Variants in C12orf54 observed in about 807,000 individuals in gnomAD.
C12orf54 encodes chromosome 12 open reading frame 54, also known as uncharacterized protein C12orf54.
A neutral mutation model predicts 26.4 loss-of-function variants in C12orf54; 24 were observed. That is an observed-to-expected ratio of 0.91 (90% confidence interval 0.66 to 1.28). C12orf54 has a LOEUF of 1.28. C12orf54 is among the 50% of genes most tolerant of loss of function. The probability of loss-of-function intolerance (pLI) is 0.00; values close to 1 mark genes in which losing one functional copy is unlikely to be tolerated. For synonymous variants in C12orf54, 54 were observed against 47.0 expected (o/e 1.15, Z -0.61); for missense variants, 154 against 150.9 (o/e 1.02, Z -0.11).
chr12:48,483,908 T>C (rs556284212), intron 2 of C12orf54, among the ~76,000 whole-genome samples: 2 of 152,284 alleles, frequency 1.3e-5, no homozygotes, highest in East Asian at 1.9e-4. Flanking sequence ...TTGTAGAAAT[T>C]TGGGGCTGGG....
At chr12:48,433,144 C>T in the C12orf54 span, among the ~76,000 whole-genome samples, 2 of 152,016 alleles carry the variant, frequency 1.3e-5, no homozygotes, top group African/African-American at 4.8e-5. Context: ...TATGTGTGAC[C>T]TTTATCAAAA....
At chr12:48,491,596 G>A (rs1270194672) in intron 6 of C12orf54, among the ~76,000 whole-genome samples, 1 of 152,098 alleles carries the variant, frequency 6.6e-6, no homozygotes, top group Non-Finnish European at 1.5e-5. Context: ...ACAGAAAAGG[G>A]GAACAGCTTC....
intron 7 of C12orf54, among the ~76,000 whole-genome samples, chr12:48,493,790 C>G (rs1235357209): frequency 6.8e-6 from 1 of 146,012 alleles, no homozygotes; most frequent in African/African-American, 2.6e-5. Context: ...AAAGATCAGG[C>G]TACTGCAACA....
chr12:48,438,699 C>A, the C12orf54 span, among the ~76,000 whole-genome samples: 26 of 152,128 alleles, frequency 1.7e-4, no homozygotes, highest in African/African-American at 5.6e-4. Flanking sequence ...ACTGGCTAGC[C>A]ATATGTAGAA....
intron 8 of C12orf54, among the ~76,000 whole-genome samples, chr12:48,495,258 G>C (rs1937887512): frequency 6.6e-6 from 1 of 152,208 alleles, no homozygotes; most frequent in Admixed American, 6.5e-5. Context: ...AGTGCATCAG[G>C]TGTGGATAGT....
the C12orf54 span, among the ~76,000 whole-genome samples, chr12:48,418,341 TA>T: frequency 6.6e-6 from 1 of 152,240 alleles, no homozygotes; most frequent in Non-Finnish European, 1.5e-5. Flanking sequence ...CTAGGGAGGC[TA>T]ATGTTGGCTT....
chr12:48,438,189 C>A, the C12orf54 span, among the ~76,000 whole-genome samples: 1 of 152,322 alleles, frequency 6.6e-6, no homozygotes, highest in South Asian at 2.1e-4. Context: ...AGGAATCTAA[C>A]TTACAAGGGA....
intron 4 of C12orf54, chr12:48,488,312 C>A: frequency 3.7e-6 from 2 of 545,956 alleles, no homozygotes; most frequent in Admixed American, 2.4e-5. Context: ...GGGAAGCCAA[C>A]AGAGATACCT....
the C12orf54 span, among the ~76,000 whole-genome samples, chr12:48,464,354 T>A: frequency 6.6e-6 from 1 of 152,108 alleles, no homozygotes; most frequent in Non-Finnish European, 1.5e-5. Flanking sequence ...TACCTAGGAA[T>A]ACAGCTAACC....
chr12:48,468,959 C>T, the C12orf54 span, among the ~76,000 whole-genome samples: 4 of 152,064 alleles, frequency 2.6e-5, no homozygotes, highest in African/African-American at 4.8e-5. Context: ...TTTTTATTAG[C>T]GATTTTCAAA....
chr12:48,491,609 A>AAGGCTGGCACAGGGATAGAATGGCAGGG (rs1937792322), intron 6 of C12orf54, among the ~76,000 whole-genome samples: 1 of 152,166 alleles, frequency 6.6e-6, no homozygotes, highest in Non-Finnish European at 1.5e-5. Context: ...ACAGCTTCCC[A>AAGGCTGGCACAGGGATAGAATGGCAGGG]AGGCTGGCAC....
At chr12:48,444,302 A>T in the C12orf54 span, among the ~76,000 whole-genome samples, 4 of 152,216 alleles carry the variant, frequency 2.6e-5, no homozygotes, top group Non-Finnish European at 4.4e-5. Context: ...TTGGCAGAAG[A>T]TGCTGGAAAG....
chr12:48,415,024 C>T, the C12orf54 span, among the ~76,000 whole-genome samples: 1 of 152,174 alleles, frequency 6.6e-6, no homozygotes, highest in Non-Finnish European at 1.5e-5. Flanking sequence ...ATACATGAGC[C>T]CCATTCAGCA....
chr12:48,434,443 T>G, the C12orf54 span, among the ~76,000 whole-genome samples: 7 of 152,194 alleles, frequency 4.6e-5, no homozygotes, highest in African/African-American at 1.7e-4. Context: ...TCTTGAGATC[T>G]GAGAATGGGC....
the C12orf54 span, among the ~76,000 whole-genome samples, chr12:48,463,194 T>C: frequency 6.6e-6 from 1 of 151,792 alleles, no homozygotes. Flanking sequence ...ATGTGCAAGA[T>C]TGTACATTGA....
the C12orf54 span, among the ~76,000 whole-genome samples, chr12:48,461,245 T>G: frequency 6.6e-6 from 1 of 151,898 alleles, no homozygotes; most frequent in Non-Finnish European, 1.5e-5. Context: ...AAAATATATG[T>G]CACAAAGACA....
the C12orf54 span, among the ~76,000 whole-genome samples, chr12:48,452,236 A>G: frequency 6.6e-6 from 1 of 152,126 alleles, no homozygotes; most frequent in Non-Finnish European, 1.5e-5. Flanking sequence ...CAATGGGGAA[A>G]GGATTTCTTA....
chr12:48,440,161 G>A, the C12orf54 span, among the ~76,000 whole-genome samples: 1 of 151,960 alleles, frequency 6.6e-6, no homozygotes, highest in South Asian at 2.1e-4. Flanking sequence ...GGAGGCGGAG[G>A]TTGCAGTGAA....
chr12:48,447,019 T>G, the C12orf54 span, among the ~76,000 whole-genome samples: 1 of 152,224 alleles, frequency 6.6e-6, no homozygotes, highest in Admixed American at 6.5e-5. Context: ...TGCAAGTCTT[T>G]TAGTGATATA....
Sources: allele counts gnomAD v4.1 joint callset (sites outside exome capture counted in the v4.1 genomes callset), GRCh38; gene constraint gnomAD v4.1.1; transcripts MANE v1.5; gene names NCBI Gene and HGNC (gene_info 2026-07-23, HGNC 2026-07-21).